The following SCFD2 variants were observed in gnomAD, a reference collection of about 807,000 sequenced individuals.
SCFD2 encodes sec1 family domain containing 2.
In SCFD2, 54 loss-of-function variants were observed where a neutral mutation model predicts 58.9. The ratio of observed to expected loss-of-function variants is 0.92; its 90% CI spans 0.74 to 1.15. The LOEUF is 1.15. SCFD2 is among the 50% of genes most tolerant of loss of function. The pLI is 0.00. For synonymous variants in SCFD2, 321 were observed against 335.9 expected (o/e 0.96, Z 0.49); for missense variants, 805 against 836.6 (o/e 0.96, Z 0.47).
Position 52,915,108 on chromosome 4 carries a change from G to T in SCFD2, c.1707+5617C>A, listed in dbSNP as rs192430996. On this transcript the variant is annotated intron_variant, in intron 6 of 8. Transcript: ENST00000401642. ...AGGAAAAGCAGTGAGTATAGCAGCA[G>T]TTCCTGACATAATATATAGTAAGTC... Among the ~76,000 whole-genome samples, 633 of 152,292 alleles carry T rather than the reference G, an allele frequency of 4.2e-3. 2 individuals carry two copies. The highest frequency in any genetic ancestry group is 0.015 in the African/African-American group (610 of 41,542).
intron 5 of SCFD2, among the ~76,000 whole-genome samples, chr4:53,037,724 C>T (rs1722800776): frequency 6.6e-6 from 1 of 152,090 alleles, no homozygotes; most frequent in South Asian, 2.1e-4. Context: ...TTTTACAGCC[C>T]CCCAACCTTA....
intron 5 of SCFD2, among the ~76,000 whole-genome samples, chr4:52,923,087 T>A (rs981209587): frequency 1.1e-4 from 17 of 152,184 alleles, no homozygotes; most frequent in African/African-American, 4.1e-4. Context: ...TCTCAGTCAC[T>A]GTGTGACATT....
In SCFD2 at chr4:53,118,381, TG is replaced by T. The variant is rs1725382772; in HGVS notation, c.1561+26951del. On this transcript the variant is annotated intron_variant, in intron 5 of 8. Coordinates refer to ENST00000401642, the MANE Select transcript of SCFD2 (RefSeq NM_152540.4). ...ATTGGTGACTGCATTTCTCCGTCTT[TG>T]AGTAGTTATTGATTAAATAAAGAGG... Among the ~76,000 whole-genome samples the T allele has an allele frequency of 2.0e-5, 3 of 152,304 alleles. No homozygotes were observed. The South Asian group carries it at 6.2e-4, about 32-fold the overall frequency.
At chr4:53,162,306 C>T (rs1577790890) in intron 4 of SCFD2, among the ~76,000 whole-genome samples, 1 of 152,070 alleles carries the variant, frequency 6.6e-6, no homozygotes, top group Non-Finnish European at 1.5e-5. Flanking sequence ...TAAATTTTAG[C>T]TATCTGAATG....
chr4:52,895,226 T>C (rs1718976463), intron 7 of SCFD2, among the ~76,000 whole-genome samples: 1 of 152,090 alleles, frequency 6.6e-6, no homozygotes, highest in South Asian at 2.1e-4. Flanking sequence ...AACGTACAGG[T>C]TTGTTACATA....
At chr4:53,210,449 A>G (rs1323699338) in intron 4 of SCFD2, among the ~76,000 whole-genome samples, 1 of 152,084 alleles carries the variant, frequency 6.6e-6, no homozygotes, top group Non-Finnish European at 1.5e-5. Context: ...TCAGGAGCAT[A>G]GAGTGAAGTC....
chr4:52,888,439 G>C (rs141670568), intron 7 of SCFD2, among the ~76,000 whole-genome samples: 1 of 152,190 alleles, frequency 6.6e-6, no homozygotes, highest in Non-Finnish European at 1.5e-5. Flanking sequence ...TGTTTCCCCC[G>C]ACCAATTTGT....
chr4:53,021,493 T>C (rs929115698), intron 5 of SCFD2, among the ~76,000 whole-genome samples: 1 of 152,206 alleles, frequency 6.6e-6, no homozygotes, highest in African/African-American at 2.4e-5. Flanking sequence ...CTGTATGTTA[T>C]GAACTTTAAA....
At chr4:53,300,285 C>G (rs1732229538) in intron 3 of SCFD2, among the ~76,000 whole-genome samples, 1 of 150,700 alleles carries the variant, frequency 6.6e-6, no homozygotes, top group Non-Finnish European at 1.5e-5. Context: ...CAAAAAAAGG[C>G]AGGAGTTCCA....
At chr4:52,940,528 C>A (rs1720265518) in intron 5 of SCFD2, among the ~76,000 whole-genome samples, 1 of 152,152 alleles carries the variant, frequency 6.6e-6, no homozygotes, top group Admixed American at 6.5e-5. Context: ...AGGGTTAATG[C>A]ATAAGGTAGA....
chr4:53,364,213 T>G (rs928483418), intron 1 of SCFD2, among the ~76,000 whole-genome samples: 1 of 152,210 alleles, frequency 6.6e-6, no homozygotes, highest in African/African-American at 2.4e-5. Flanking sequence ...ATCTGAAAAT[T>G]AATCTTATTA....
At chr4:53,175,756 C>G (rs1727308867) in intron 4 of SCFD2, among the ~76,000 whole-genome samples, 1 of 152,166 alleles carries the variant, frequency 6.6e-6, no homozygotes, top group Admixed American at 6.5e-5. Context: ...AAGACAACTG[C>G]CACTTTCAGT....
chr4:53,251,665 CT>C (rs1730387178), intron 4 of SCFD2, among the ~76,000 whole-genome samples: 1 of 151,928 alleles, frequency 6.6e-6, no homozygotes, highest in Admixed American at 6.6e-5. Flanking sequence ...CAGAAAAGGC[CT>C]TTGACAAAAT....
chr4:53,305,712 G>A (rs1732493448), intron 3 of SCFD2, among the ~76,000 whole-genome samples: 1 of 151,782 alleles, frequency 6.6e-6, no homozygotes, highest in Non-Finnish European at 1.5e-5. Flanking sequence ...ACGTTGTTTT[G>A]TATCTATCCA....
intron 4 of SCFD2, among the ~76,000 whole-genome samples, chr4:53,256,164 C>T (rs923025684): frequency 1.3e-5 from 2 of 151,520 alleles, no homozygotes; most frequent in Admixed American, 6.6e-5. Context: ...CCTCACTTCT[C>T]AGACGGGGCG....
At chr4:53,016,757 GAT>G (rs1297830287) in intron 5 of SCFD2, among the ~76,000 whole-genome samples, 4 of 152,132 alleles carry the variant, frequency 2.6e-5, no homozygotes, top group African/African-American at 9.7e-5. Context: ...ACTGCTTAGA[GAT>G]CTTGAAGAAA....
intron 5 of SCFD2, chr4:52,955,957 G>C (rs984673571): frequency 3.5e-5 from 15 of 423,328 alleles, no homozygotes; most frequent in Non-Finnish European, 5.7e-5. Context: ...CATTAACCTG[G>C]TGTCCCACAG....
intron 5 of SCFD2, among the ~76,000 whole-genome samples, chr4:52,983,525 T>C (rs1721423236): frequency 6.6e-6 from 1 of 152,246 alleles, no homozygotes; most frequent in Admixed American, 6.5e-5. Flanking sequence ...TAGTGGGTCT[T>C]ACAATATACT....
At chr4:52,874,279 C>T (rs1718418306) in intron 8 of SCFD2, among the ~76,000 whole-genome samples, 1 of 152,186 alleles carries the variant, frequency 6.6e-6, no homozygotes, top group Admixed American at 6.5e-5. Context: ...GCCTGTGGGA[C>T]AGCCGGGCTG....
Sources: gnomAD v4.1 joint callset for allele counts (sites outside exome capture counted in the v4.1 genomes callset) on GRCh38, gnomAD v4.1.1 for gene constraint, MANE v1.5 for transcripts, NCBI Gene and HGNC (gene_info 2026-07-23, HGNC 2026-07-21) for gene names.